Variants in LNX1 observed in about 807,000 individuals in gnomAD.
The protein encoded by LNX1 is E3 ubiquitin-protein ligase LNX.
LNX1 carries 54 observed loss-of-function variants against 68.4 expected under a neutral mutation model. The observed-to-expected ratio is 0.79, with a 90% CI of 0.63 to 0.99. The LOEUF (loss-of-function observed/expected upper bound fraction) is 0.99. Among genes scored for constraint, LNX1 ranks in the 50% least tolerant of loss-of-function variants. LNX1 has a pLI of 0.00. For missense variants in LNX1, 906 were observed against 926.4 expected (o/e 0.98, Z 0.29); for synonymous variants, 336 against 350.0 (o/e 0.96, Z 0.45).
chr4:53,587,051 A>C (rs1223080650), intron 1 of LNX1, among the ~76,000 whole-genome samples: 1 of 152,200 alleles, frequency 6.6e-6, no homozygotes, highest in Non-Finnish European at 1.5e-5. Flanking sequence ...AATATGCCAA[A>C]AAAAATGATC....
At chr4:53,597,495 G>A (rs1732804038) in intron 2 of LNX1, among the ~76,000 whole-genome samples, 1 of 152,114 alleles carries the variant, frequency 6.6e-6, no homozygotes. Flanking sequence ...AGCACATTCT[G>A]GCCATGTTCC....
intron 1 of LNX1, among the ~76,000 whole-genome samples, chr4:53,623,121 G>T (rs1733945081): frequency 6.6e-6 from 1 of 151,882 alleles, no homozygotes; most frequent in African/African-American, 2.4e-5. Flanking sequence ...CTGATCACTT[G>T]AATACATTGC....
intron 2 of LNX1, among the ~76,000 whole-genome samples, chr4:53,601,867 A>T (rs1733031451): frequency 6.6e-6 from 1 of 152,044 alleles, no homozygotes; most frequent in Non-Finnish European, 1.5e-5. Flanking sequence ...CTCAAAGTCA[A>T]ACTCTCCAAA....
intron 1 of LNX1, among the ~76,000 whole-genome samples, chr4:53,631,012 G>C (rs1430646567): frequency 6.6e-6 from 1 of 152,222 alleles, no homozygotes; most frequent in Non-Finnish European, 1.5e-5. Context: ...ACCAACAGGG[G>C]AAATGAGCCA....
Position 53,634,749 on chromosome 4 carries a change from G to A in LNX1, c.-215+17419C>T, listed in dbSNP as rs116557129. ...CACAGGGACTGCTCCGAGGGGTGGC[G>A]GTTTACTAAGTCAATCAGGAGTCTT... is the stretch of plus-strand genomic sequence containing the variant. On this transcript the variant is annotated intron_variant, in intron 1 of 2. Transcript: ENST00000507168. Among the ~76,000 whole-genome samples the A allele has an allele frequency of 3.7e-3, 568 of 152,006 alleles. 3 individuals are homozygous for A. Among genetic ancestry groups the A allele is most frequent in the African/African-American group, 0.013 (542 of 41,440 alleles).
intron 6 of LNX1, among the ~76,000 whole-genome samples, chr4:53,487,431 T>C (rs1325880327): frequency 6.6e-6 from 1 of 152,260 alleles, no homozygotes; most frequent in South Asian, 2.1e-4. Context: ...TGATAAACTA[T>C]ATAAAATGCA....
chr4:53,579,231 T>C, intron 1 of LNX1: 1 of 980,510 alleles, frequency 1.0e-6, no homozygotes, highest in African/African-American at 1.7e-5. Flanking sequence ...AGTAGTGGAG[T>C]GGATTGATTC....
intron 2 of LNX1, among the ~76,000 whole-genome samples, chr4:53,613,934 A>G (rs1684640161): frequency 6.6e-6 from 1 of 152,086 alleles, no homozygotes; most frequent in Admixed American, 6.6e-5. Context: ...AATGGGGTGT[A>G]AAAGCATTCC....
intron 1 of LNX1, among the ~76,000 whole-genome samples, chr4:53,629,019 A>C (rs2109869469): frequency 6.6e-6 from 1 of 152,316 alleles, no homozygotes; most frequent in Non-Finnish European, 1.5e-5. Flanking sequence ...ACTACACATT[A>C]GGTACAATAT....
rs574575019 is a variant in LNX1, at chr4:53,481,286, C to G, written c.1485+434G>C. On this transcript the variant is annotated intron_variant, in intron 7 of 10. Coordinates refer to ENST00000263925, the MANE Select transcript of LNX1 (RefSeq NM_001126328.3). ...AAGTGTTTAAATTATCTTCCTGGGC[C>G]CTTCGGCAAACACAAACAAAAACTA... Among the ~76,000 whole-genome samples, 21 of 152,302 alleles carry G rather than the reference C, an allele frequency of 1.4e-4. No homozygotes were observed. In the East Asian group the frequency reaches 1.5e-3, roughly 11 times the overall value.
intron 1 of LNX1, among the ~76,000 whole-genome samples, chr4:53,651,001 G>T (rs139570472): frequency 2.2e-4 from 34 of 152,290 alleles, no homozygotes; most frequent in African/African-American, 8.2e-4. Flanking sequence ...TATGAGGGAT[G>T]TATTACCATC....
intron 1 of LNX1, among the ~76,000 whole-genome samples, chr4:53,640,364 A>G (rs1734632766): frequency 1.3e-5 from 2 of 152,194 alleles, no homozygotes; most frequent in Non-Finnish European, 2.9e-5. Flanking sequence ...ACAGGCCGAG[A>G]TGCTTACAGA....
At chr4:53,464,765 CAG>C (rs1722540275) in intron 9 of LNX1, among the ~76,000 whole-genome samples, 1 of 151,926 alleles carries the variant, frequency 6.6e-6, no homozygotes, top group South Asian at 2.1e-4. Flanking sequence ...TTCAGGAGAA[CAG>C]AAGATTTTAA....
upstream of LNX1, among the ~76,000 whole-genome samples, chr4:53,620,900 G>A (rs1178016097): frequency 6.6e-6 from 1 of 152,152 alleles, no homozygotes; most frequent in Non-Finnish European, 1.5e-5. Flanking sequence ...CTGCAAAAAT[G>A]ACTTTTGAGC....
At chr4:53,557,174 G>A (rs1729967075) in intron 2 of LNX1, among the ~76,000 whole-genome samples, 1 of 152,192 alleles carries the variant, frequency 6.6e-6, no homozygotes, top group Non-Finnish European at 1.5e-5. Flanking sequence ...ATGGACATGT[G>A]TCATGTAGGA....
At chr4:53,510,977 C>T (rs1255784165) in intron 2 of LNX1, among the ~76,000 whole-genome samples, 1 of 152,172 alleles carries the variant, frequency 6.6e-6, no homozygotes, top group Non-Finnish European at 1.5e-5. Flanking sequence ...CATTAAGAAA[C>T]CATTGCACTT....
chr4:53,492,343 G>T (rs767749697), intron 6 of LNX1, among the ~76,000 whole-genome samples: 7 of 152,132 alleles, frequency 4.6e-5, no homozygotes, highest in Non-Finnish European at 1.0e-4. Flanking sequence ...AGAGCACCAA[G>T]AAGGCAATGG....
At chr4:53,527,694 T>C (rs533013380) in intron 2 of LNX1, among the ~76,000 whole-genome samples, 116 of 152,324 alleles carry the variant, frequency 7.6e-4, no homozygotes, top group African/African-American at 2.7e-3. Flanking sequence ...ACTGGATTGG[T>C]GGTAAAGCTC....
At chr4:53,528,775 G>A (rs1196514280) in intron 2 of LNX1, among the ~76,000 whole-genome samples, 2 of 152,000 alleles carry the variant, frequency 1.3e-5, no homozygotes, top group South Asian at 4.2e-4. Flanking sequence ...ACCTACCCTG[G>A]CACCATCTCC....
Sources: gnomAD v4.1 joint callset for allele counts (sites outside exome capture counted in the v4.1 genomes callset) on GRCh38, gnomAD v4.1.1 for gene constraint, MANE v1.5 for transcripts, NCBI Gene and HGNC (gene_info 2026-07-23, HGNC 2026-07-21) for gene names.